PCDHA7: variants seen among roughly 807,000 people sequenced by gnomAD.
PCDHA7 encodes protocadherin alpha-7.
Under a neutral mutation model 57.2 loss-of-function variants are expected in PCDHA7, and 37 were observed. The observed-to-expected ratio is 0.65, with a 90% confidence interval of 0.50 to 0.85. The LOEUF is 0.85. Among genes scored for constraint, PCDHA7 ranks in the 40% least tolerant of loss-of-function variants. The pLI is 0.00. For synonymous variants in PCDHA7, 553 were observed against 558.8 expected, an observed-to-expected ratio of 0.99 and a Z score of 0.15; for missense variants, 1,188 against 1,241.8, an observed-to-expected ratio of 0.96 and a Z score of 0.65.
chr5:140,903,491 G>T (rs1253397353), intron 1 of PCDHA7, among the ~76,000 whole-genome samples: 4 of 152,094 alleles, frequency 2.6e-5, no homozygotes, highest in African/African-American at 9.7e-5. Flanking sequence ...GTTCTGAGCA[G>T]GTACCATAGA....
rs2150264277 is a variant in PCDHA7, at chr5:140,836,568, G to A, written c.2185G>A (p.Glu729Lys). The A allele has an allele frequency of 1.2e-6, 2 of 1,613,778 alleles. No homozygotes were observed. The highest frequency in any genetic ancestry group is 1.7e-6 in the Non-Finnish European group (2 of 1,179,866). ...TALRCSAPSSEGACSLVKPTL... is the reference protein window; with the variant it reads ...TALRCSAPSSKGACSLVKPTL... ...GTTGCGGTGCTCAGCGCCGTCCTCT[G>A]AGGGCGCATGTAGTTTGGTAAAGCC... The change falls in exon 1 of 4, where the codon GAG becomes AAG. Residue 729 changes from glutamate (E) to lysine (K), a missense_variant. Around this residue, in one of 3 missense-constraint regions of PCDHA7, gnomAD observed 892 missense variants for 788.5 expected, o/e 1.13. Transcript: ENST00000525929.
At chr5:140,942,907 C>T (rs990206907) in intron 1 of PCDHA7, among the ~76,000 whole-genome samples, 14 of 151,044 alleles carry the variant, frequency 9.3e-5, no homozygotes, top group Non-Finnish European at 1.6e-4. Flanking sequence ...TAAGAATAAG[C>T]GTGAAGAAAA....
chr5:140,856,318 C>G (rs200204071), intron 1 of PCDHA7: 2 of 1,598,576 alleles, frequency 1.3e-6, no homozygotes, highest in East Asian at 4.5e-5. Context: ...CTCGGATTGA[C>G]CGCGAGGAGC....
chr5:140,988,500 C>T (rs1340106461), intron 3 of PCDHA7, among the ~76,000 whole-genome samples: 1 of 152,116 alleles, frequency 6.6e-6, no homozygotes, highest in Non-Finnish European at 1.5e-5. Flanking sequence ...TAGGAGAAGC[C>T]ATGAAGCTTA....
intron 1 of PCDHA7, chr5:140,858,543 A>AT: frequency 7.1e-7 from 1 of 1,400,318 alleles, no homozygotes; most frequent in Admixed American, 2.0e-5. Flanking sequence ...TCTACATTCC[A>AT]TTTATGCTTG....
chr5:140,967,299 G>T, intron 1 of PCDHA7: 3 of 1,612,674 alleles, frequency 1.9e-6, no homozygotes, highest in Non-Finnish European at 2.5e-6. Flanking sequence ...CCCGACGTGG[G>T]CGCCAACTCA....
chr5:140,884,271 C>T, intron 1 of PCDHA7: 1 of 1,613,540 alleles, frequency 6.2e-7, no homozygotes, highest in Non-Finnish European at 8.5e-7. Flanking sequence ...GTGCTGTTGT[C>T]GCTGGTGGAG....
intron 1 of PCDHA7, chr5:140,859,219 T>G (rs901080538): frequency 2.0e-5 from 3 of 149,830 alleles, no homozygotes; most frequent in African/African-American, 4.9e-5. Context: ...CTCTTTCACT[T>G]TAAGGAAGGA....
At chr5:140,851,697 TC>T in intron 1 of PCDHA7, 1 of 942,168 alleles carries the variant, frequency 1.1e-6, no homozygotes, top group Non-Finnish European at 1.3e-6. Flanking sequence ...GATAAAATGA[TC>T]AGCCATGTGA....
At chr5:140,991,988 C>T (rs1167776981) in intron 3 of PCDHA7, among the ~76,000 whole-genome samples, 1 of 151,478 alleles carries the variant, frequency 6.6e-6, no homozygotes, top group Non-Finnish European at 1.5e-5. Flanking sequence ...GCCTACCACC[C>T]GGTCTTTCAT....
chr5:140,999,183 AG>A (rs1233229901), intron 3 of PCDHA7, among the ~76,000 whole-genome samples: 2 of 152,200 alleles, frequency 1.3e-5, no homozygotes, highest in East Asian at 1.9e-4. Flanking sequence ...TGATGGGGAG[AG>A]GGTCCTTGGA....
intron 1 of PCDHA7, among the ~76,000 whole-genome samples, chr5:140,950,519 A>G (rs1359001168): frequency 6.6e-6 from 1 of 152,034 alleles, no homozygotes; most frequent in Non-Finnish European, 1.5e-5. Flanking sequence ...TGTGTGCGAT[A>G]TGATTGTTTT....
intron 1 of PCDHA7, chr5:140,854,178 A>AAAAATT: frequency 1.9e-6 from 1 of 531,180 alleles, no homozygotes; most frequent in Non-Finnish European, 2.4e-6. Flanking sequence ...AAAAAAAAAG[A>AAAAATT]GTAGTTTAAC....
Position 140,998,756 on chromosome 5 carries a change from G to A in PCDHA7, c.2504-10871G>A, listed in dbSNP as rs78235138. Among the ~76,000 whole-genome samples, 197 of 152,232 alleles carry A rather than the reference G, an allele frequency of 1.3e-3. 4 individuals carry two copies. In the East Asian group the frequency reaches 0.035, roughly 27 times the overall value. On this transcript the variant is annotated intron_variant, in intron 3 of 3. Coordinates refer to ENST00000525929, the MANE Select transcript of PCDHA7 (RefSeq NM_018910.3). Reference sequence around the variant, plus strand: ...ATTTTGTATTTTTAGAAGAGACACAGTTTCACTATGTTGGTCAGGCTGGTC... The same window carrying A: ...ATTTTGTATTTTTAGAAGAGACACAATTTCACTATGTTGGTCAGGCTGGTC...
chr5:140,996,136 C>A (rs1484642740), intron 3 of PCDHA7, among the ~76,000 whole-genome samples: 1 of 152,104 alleles, frequency 6.6e-6, no homozygotes, highest in African/African-American at 2.4e-5. Context: ...GAGGGTTCTC[C>A]CATTATCTTG....
chr5:140,858,133 C>T, intron 1 of PCDHA7: 1 of 1,597,688 alleles, frequency 6.3e-7, no homozygotes, highest in Non-Finnish European at 8.6e-7. Context: ...TGGATGTCAA[C>T]GTGTACCTGA....
chr5:140,835,475 A>G lies in PCDHA7; in HGVS notation c.1092A>G (p.Gln364=), dbSNP rs141258579. The part of the protein sequence containing the change: ...SLSLPIPEDA[Q]PGTVITLISV... ...CTCTCCCTATTCCAGAGGACGCCCAACCAGGTACCGTCATCACATTGATTA... is the reference window on the plus strand; with the variant it reads ...CTCTCCCTATTCCAGAGGACGCCCAGCCAGGTACCGTCATCACATTGATTA... Residue 364 remains glutamine, a synonymous_variant, in exon 1 of 4, where the codon CAA becomes CAG. Coordinates refer to ENST00000525929, the MANE Select transcript of PCDHA7 (RefSeq NM_018910.3). The G allele has an allele frequency of 3.1e-6, 5 of 1,613,920 alleles. No homozygotes were observed. The highest frequency in any genetic ancestry group is 1.6e-4 in the Middle Eastern group (1 of 6,062).
chr5:140,904,335 C>T (rs142753502), intron 1 of PCDHA7, among the ~76,000 whole-genome samples: 2,168 of 152,034 alleles, frequency 0.014, 62 homozygotes, highest in African/African-American at 0.05. Flanking sequence ...TCTCCAGTTC[C>T]ATCCAGGTTG....
At chr5:140,940,498 C>T (rs185491489) in intron 1 of PCDHA7, among the ~76,000 whole-genome samples, 7 of 151,984 alleles carry the variant, frequency 4.6e-5, no homozygotes, top group Non-Finnish European at 8.8e-5. Flanking sequence ...AGTCTTGCTC[C>T]GTCGCTCAGG....
Sources: gnomAD v4.1 joint callset for allele counts (sites outside exome capture counted in the v4.1 genomes callset) on GRCh38, gnomAD v4.1.1 for gene constraint, gnomAD v4.1.1 regional missense constraint, MANE v1.5 for transcripts, NCBI Gene and HGNC (gene_info 2026-07-23, HGNC 2026-07-21) for gene names.